Variants in CIPC observed in about 807,000 individuals in gnomAD.
The protein encoded by CIPC is CLOCK interacting pacemaker.
A neutral mutation model predicts 26.7 loss-of-function variants in CIPC; 12 were observed. The observed-to-expected ratio is 0.45, with a 90% confidence interval of 0.29 to 0.73. The LOEUF (loss-of-function observed/expected upper bound fraction) is 0.73, where lower values mean the gene tolerates loss of function less well. CIPC is among the 30% of genes least tolerant of loss of function. CIPC has a pLI of 0.12. For missense variants in CIPC, 417 were observed against 486.5 expected (o/e 0.86, Z 1.34); for synonymous variants, 170 against 189.8 (o/e 0.90, Z 0.86).
At position 77,113,760 on chromosome 14, in the gene CIPC, G is replaced by A. The variant is rs546253011; in HGVS notation, c.642G>A (p.Thr214=). Residue 214 remains threonine (T), a synonymous_variant, in exon 4 of 4, where the codon ACG becomes ACA. Coordinates refer to ENST00000361786, the MANE Select transcript of CIPC (RefSeq NM_033426.3). ...GTGCTGTCCCATCCAGTCCCTCGAC[G>A]CCAGCACCACCCAGCGCCAAACTTG... ...KAGAVPSSPS[T]PAPPSAKLAE... is the part of the protein sequence containing the mutation. 46 of 1,613,188 alleles carry A rather than the reference G, an allele frequency of 2.9e-5. 1 individual carries two copies. In the South Asian group the frequency reaches 4.8e-4, roughly 17 times the overall value.
In CIPC at chr14:77,115,397, A is replaced by G. The variant is rs534759736; in HGVS notation, c.*1079A>G. 2 of 152,146 alleles carry G rather than the reference A, an allele frequency of 1.3e-5. No homozygotes were observed. Among genetic ancestry groups the G allele is most frequent in the Non-Finnish European group, 2.9e-5 (2 of 68,014 alleles). The allele number at this position is 152,146 out of a possible 1,614,324, so 9.4% of individuals were successfully genotyped here. A position where few individuals can be genotyped will look rare whatever the true frequency, so the allele number is the denominator to read the frequency against. ...CCCAAATTTTTATTTGTTCCATGTCATAGTGATGGGAAGCAGTTACAGAGC... is the reference window on the plus strand; with the variant it reads ...CCCAAATTTTTATTTGTTCCATGTCGTAGTGATGGGAAGCAGTTACAGAGC... On this transcript the variant is annotated 3_prime_UTR_variant, in exon 4 of 4. Coordinates refer to ENST00000361786, the MANE Select transcript of CIPC (RefSeq NM_033426.3).
intron 3 of CIPC, among the ~76,000 whole-genome samples, chr14:77,110,791 A>G (rs536388688): frequency 1.3e-5 from 2 of 152,228 alleles, no homozygotes; most frequent in South Asian, 2.1e-4. Flanking sequence ...ATATGGGTCC[A>G]TTGATGAGGC....
Position 77,116,921 on chromosome 14 carries a change from G to A in CIPC, c.*2603G>A, listed in dbSNP as rs1679991981. ...GGCAGAGCTGCTGTTTTCTGAAGGTGAGAAGCCATTTTTAGCTCAGAGCAA... is the reference window on the plus strand; with the variant it reads ...GGCAGAGCTGCTGTTTTCTGAAGGTAAGAAGCCATTTTTAGCTCAGAGCAA... On this transcript the variant is annotated 3_prime_UTR_variant, in exon 4 of 4. Coordinates refer to ENST00000361786, the MANE Select transcript of CIPC (RefSeq NM_033426.3). 2 of 152,202 alleles carry A rather than the reference G, an allele frequency of 1.3e-5. No homozygotes were observed. The highest frequency in any genetic ancestry group is 2.9e-5 in the Non-Finnish European group (2 of 68,036). 9.4% of individuals were successfully genotyped at this position (152,202 alleles called of 1,614,324 possible).
chr14:77,108,758 G>C (rs1886640197), intron 2 of CIPC, among the ~76,000 whole-genome samples: 1 of 151,830 alleles, frequency 6.6e-6, no homozygotes, highest in African/African-American at 2.4e-5. Flanking sequence ...ACATTCTTCT[G>C]TAAAAAGTGC....
chr14:77,112,496 A>G (rs1165129624), intron 3 of CIPC, among the ~76,000 whole-genome samples: 2 of 152,128 alleles, frequency 1.3e-5, no homozygotes, highest in African/African-American at 4.8e-5. Flanking sequence ...TTCCCTGTTT[A>G]TGAAGGGAAA....
At chr14:77,101,938 T>C (rs901490252) in intron 1 of CIPC, among the ~76,000 whole-genome samples, 1 of 152,020 alleles carries the variant, frequency 6.6e-6, no homozygotes, top group African/African-American at 2.4e-5. Flanking sequence ...ATTTAAAAAT[T>C]AGCTGGGTGT....
chr14:77,100,240 C>CTTTT (rs57785837), intron 1 of CIPC, among the ~76,000 whole-genome samples: 123 of 130,518 alleles, frequency 9.4e-4, no homozygotes, highest in African/African-American at 1.5e-3. Context: ...TTCTTTCTTT[C>CTTTT]TTTTTTTTTT....
At position 77,116,276 on chromosome 14, in the gene CIPC, T is replaced by C. The variant is rs1006045278; in HGVS notation, c.*1958T>C. On this transcript the variant is annotated 3_prime_UTR_variant, in exon 4 of 4. Transcript: ENST00000361786. ...GGCAGATTCAGCTCCTTTTAATATT[T>C]TTCTCTTGGCCCACTCTCTTTGCTT... 1 of 152,154 alleles carries C rather than the reference T, an allele frequency of 6.6e-6. No individual in the cohort carries two copies. Among genetic ancestry groups the C allele is most frequent in the Non-Finnish European group, 1.5e-5 (1 of 68,028 alleles). 9.4% of individuals were successfully genotyped at this position (152,154 alleles called of 1,614,324 possible).
chr14:77,104,272 C>T (rs775348424), intron 1 of CIPC, among the ~76,000 whole-genome samples: 3 of 152,084 alleles, frequency 2.0e-5, no homozygotes, highest in Non-Finnish European at 4.4e-5. Context: ...GCCTGTTGTC[C>T]CAGCTACTCC....
chr14:77,108,189 T>C (rs1032544204), intron 2 of CIPC, among the ~76,000 whole-genome samples: 2 of 152,216 alleles, frequency 1.3e-5, no homozygotes, highest in Non-Finnish European at 2.9e-5. Context: ...GTCTTACTCT[T>C]GGTGATGCTC....
intron 2 of CIPC, 22 bp from the exon 3 acceptor site, chr14:77,109,790 T>C: frequency 2.5e-6 from 4 of 1,601,862 alleles, no homozygotes; most frequent in Non-Finnish European, 3.4e-6. Flanking sequence ...CTGAGTGAGT[T>C]GACCATTCTT....
intron 2 of CIPC, among the ~76,000 whole-genome samples, chr14:77,109,608 A>G (rs1886653795): frequency 6.6e-6 from 1 of 152,254 alleles, no homozygotes; most frequent in Admixed American, 6.5e-5. Flanking sequence ...TAGGGCAATA[A>G]TTCTTAATCT....
chr14:77,101,412 G>T (rs925365829), intron 1 of CIPC, among the ~76,000 whole-genome samples: 3 of 152,164 alleles, frequency 2.0e-5, no homozygotes, highest in Admixed American at 2.0e-4. Context: ...CTGCTTAAGA[G>T]AACTTTACTG....
At chr14:77,099,441 A>T (rs1886431997) in intron 1 of CIPC, among the ~76,000 whole-genome samples, 1 of 152,244 alleles carries the variant, frequency 6.6e-6, no homozygotes, top group African/African-American at 2.4e-5. Flanking sequence ...TCCACTGTTA[A>T]GATACCCAGA....
At chr14:77,105,942 T>G in intron 2 of CIPC, 98 bp downstream of exon 2, 1 of 1,405,766 alleles carries the variant, frequency 7.1e-7, no homozygotes, top group Non-Finnish European at 9.8e-7. Flanking sequence ...ATGGGATGCT[T>G]TCACACACAG....
chr14:77,102,799 C>T (rs544938488), intron 1 of CIPC, among the ~76,000 whole-genome samples: 2 of 152,348 alleles, frequency 1.3e-5, no homozygotes, highest in South Asian at 4.1e-4. Context: ...TGCCCATCCA[C>T]AAGCCTCATC....
Position 77,114,172 on chromosome 14 carries a change from C to A in CIPC, c.1054C>A (p.Gln352Lys). Residue 352 changes from glutamine to lysine, a missense_variant, in exon 4 of 4, where the codon CAG becomes AAG. Physicochemically the swap from Gln to Lys is moderately conservative, Grantham distance 53. Coordinates refer to ENST00000361786, the MANE Select transcript of CIPC (RefSeq NM_033426.3). ...QNQATQVELD[Q>K]LKEQTQLFIE... ...TCAGGCAACTCAGGTAGAACTAGAC[C>A]AGCTAAAGGAGCAAACCCAGCTGTT... The A allele has an allele frequency of 6.2e-7, 1 of 1,614,120 alleles. No individual in the cohort carries two copies. The highest frequency in any genetic ancestry group is 8.5e-7 in the Non-Finnish European group (1 of 1,180,032).
At chr14:77,110,231 A>C (rs530536548) in intron 3 of CIPC, among the ~76,000 whole-genome samples, 1 of 152,208 alleles carries the variant, frequency 6.6e-6, no homozygotes, top group South Asian at 2.1e-4. Flanking sequence ...TTATTTCTGT[A>C]TTCATAGTTT....
At chr14:77,106,581 G>A (rs1476646299) in intron 2 of CIPC, among the ~76,000 whole-genome samples, 1 of 152,158 alleles carries the variant, frequency 6.6e-6, no homozygotes, top group Non-Finnish European at 1.5e-5. Context: ...ATGCAGAGGG[G>A]TGATGCTGAG....
Sources: gnomAD v4.1 joint callset for allele counts (sites outside exome capture counted in the v4.1 genomes callset) on GRCh38, gnomAD v4.1.1 for gene constraint, MANE v1.5 for transcripts, NCBI Gene and HGNC (gene_info 2026-07-23, HGNC 2026-07-21) for gene names.